The following ATF7IP2 variants were observed in gnomAD, a reference collection of about 807,000 sequenced individuals.
ATF7IP2 encodes activating transcription factor 7-interacting protein 2.
In ATF7IP2, 42 loss-of-function variants were observed where a neutral mutation model predicts 64.2. The observed-to-expected ratio is 0.65, with a 90% CI of 0.51 to 0.85. The LOEUF is 0.85. ATF7IP2 is among the 40% of genes least tolerant of loss of function. ATF7IP2 has a pLI of 0.00. For synonymous variants in ATF7IP2, 308 were observed against 272.8 expected, an observed-to-expected ratio of 1.13 and a Z score of -1.27; for missense variants, 933 against 784.2, an observed-to-expected ratio of 1.19 and a Z score of -2.27.
intron 1 of ATF7IP2, among the ~76,000 whole-genome samples, chr16:10,408,068 T>G (rs1205182731): frequency 1.3e-5 from 2 of 152,002 alleles, no homozygotes; most frequent in Non-Finnish European, 2.9e-5. Context: ...TGTGCCACCA[T>G]ACCTAGCTAA....
At chr16:10,434,802 T>A (rs2048365128) in intron 6 of ATF7IP2, among the ~76,000 whole-genome samples, 1 of 152,148 alleles carries the variant, frequency 6.6e-6, no homozygotes, top group Non-Finnish European at 1.5e-5. Context: ...AAGTTTTTGT[T>A]TGTTTGTTTG....
chr16:10,449,054 A>G (rs1296311177), intron 8 of ATF7IP2: 1 of 152,144 alleles, frequency 6.6e-6, no homozygotes, highest in Admixed American at 6.5e-5. Flanking sequence ...CCTTTTCTGC[A>G]TCTATTGAGA....
intron 8 of ATF7IP2, among the ~76,000 whole-genome samples, chr16:10,451,448 A>G (rs998178005): frequency 6.6e-6 from 1 of 152,180 alleles, no homozygotes; most frequent in Non-Finnish European, 1.5e-5. Flanking sequence ...ACTTTCGGGT[A>G]CAACAATCAA....
rs767494674 is a variant in ATF7IP2, at chr16:10,466,911, A to G, written c.1353-5199A>G. On this transcript the variant is annotated intron_variant, in intron 9 of 13. Coordinates refer to ENST00000562102, the MANE Select transcript of ATF7IP2 (RefSeq NM_001393719.1). ...GTTTTAATGCTCTTGTTTTAACTCAAGTGTTTGGATCACCTGTGCATCTGT... is the reference window on the plus strand; with the variant it reads ...GTTTTAATGCTCTTGTTTTAACTCAGGTGTTTGGATCACCTGTGCATCTGT... Among the ~76,000 whole-genome samples the G allele has an allele frequency of 6.6e-5, 10 of 150,444 alleles. 1 individual carries two copies. In the East Asian group the frequency reaches 1.7e-3, roughly 26 times the overall value.
At chr16:10,435,414 A>G (rs2048387913) in intron 6 of ATF7IP2, among the ~76,000 whole-genome samples, 1 of 152,206 alleles carries the variant, frequency 6.6e-6, no homozygotes, top group Non-Finnish European at 1.5e-5. Context: ...CTTTCTCCAA[A>G]CTTTAGGCCA....
chr16:10,422,799 C>G (rs1247752640), intron 3 of ATF7IP2, among the ~76,000 whole-genome samples: 1 of 152,218 alleles, frequency 6.6e-6, no homozygotes, highest in Non-Finnish European at 1.5e-5. Context: ...TTTAGTTTCA[C>G]TTTTCCCCAT....
At chr16:10,477,784 T>G (rs997108975) in intron 12 of ATF7IP2, among the ~76,000 whole-genome samples, 3 of 152,208 alleles carry the variant, frequency 2.0e-5, no homozygotes, top group African/African-American at 7.2e-5. Context: ...TTAAGCTGAT[T>G]GATAGGCAAC....
At position 10,421,538 on chromosome 16, in the gene ATF7IP2, C is replaced by T. The variant is rs534823455; in HGVS notation, c.-160+1915C>T. Among the ~76,000 whole-genome samples, 33 of 152,244 alleles carry T rather than the reference C, an allele frequency of 2.2e-4. No homozygotes were observed. The South Asian group carries it at 2.3e-3, about 11-fold the overall frequency. On this transcript the variant is annotated intron_variant, in intron 3 of 13. Coordinates refer to ENST00000562102, the MANE Select transcript of ATF7IP2 (RefSeq NM_001393719.1). ...ACTTAATGTTTTCAATTGATCCCTA[C>T]GTATGGTTGCTTTCTGTGGCACAAT... is the stretch of plus-strand genomic sequence containing the variant.
At chr16:10,481,229 C>T (rs2050212665) in intron 13 of ATF7IP2, among the ~76,000 whole-genome samples, 1 of 152,150 alleles carries the variant, frequency 6.6e-6, no homozygotes, top group South Asian at 2.1e-4. Flanking sequence ...AAAGGGTGTT[C>T]TCATATACTG....
intron 1 of ATF7IP2, among the ~76,000 whole-genome samples, chr16:10,407,857 C>T (rs1429669000): frequency 6.6e-6 from 1 of 151,938 alleles, no homozygotes; most frequent in African/African-American, 2.4e-5. Context: ...AGCTTAGCTC[C>T]TACTTGTGAG....
At chr16:10,439,376 C>T (rs1596516320) in intron 7 of ATF7IP2, among the ~76,000 whole-genome samples, 1 of 151,626 alleles carries the variant, frequency 6.6e-6, no homozygotes, top group Non-Finnish European at 1.5e-5. Flanking sequence ...GCTGGGACTA[C>T]AGGCGCCCGC....
intron 8 of ATF7IP2, among the ~76,000 whole-genome samples, chr16:10,456,362 C>G (rs2049168229): frequency 6.6e-6 from 1 of 152,130 alleles, no homozygotes; most frequent in Non-Finnish European, 1.5e-5. Flanking sequence ...GCTGGACACC[C>G]TTTTGCTAGT....
At chr16:10,417,957 C>A (rs573172827) in intron 2 of ATF7IP2, among the ~76,000 whole-genome samples, 13 of 152,128 alleles carry the variant, frequency 8.5e-5, no homozygotes, top group Non-Finnish European at 4.4e-5. Flanking sequence ...CCACGTCGGT[C>A]GTGGAGACCC....
At chr16:10,454,084 T>C (rs2049084564) in intron 8 of ATF7IP2, 1 of 152,086 alleles carries the variant, frequency 6.6e-6, no homozygotes, top group African/African-American at 2.4e-5. Context: ...ATCTAAATTA[T>C]TGAATTCACT....
At chr16:10,409,374 G>A (rs2047706075) in intron 1 of ATF7IP2, among the ~76,000 whole-genome samples, 1 of 152,028 alleles carries the variant, frequency 6.6e-6, no homozygotes, top group Admixed American at 6.6e-5. Context: ...CAAAGAATAA[G>A]GAAGTTAACA....
At chr16:10,397,127 AT>A (rs748094116) in intron 1 of ATF7IP2, among the ~76,000 whole-genome samples, 1 of 152,202 alleles carries the variant, frequency 6.6e-6, no homozygotes, top group Non-Finnish European at 1.5e-5. Flanking sequence ...TTGAAAATCA[AT>A]TTAATATAAA....
At chr16:10,463,015 A>G (rs1453264359) in intron 9 of ATF7IP2, among the ~76,000 whole-genome samples, 1 of 152,122 alleles carries the variant, frequency 6.6e-6, no homozygotes, top group Admixed American at 6.5e-5. Context: ...TTACAAATTC[A>G]TGTTCTTTGG....
chr16:10,446,622 G>C (rs539471724), intron 8 of ATF7IP2: 1 of 152,136 alleles, frequency 6.6e-6, no homozygotes, highest in African/African-American at 2.4e-5. Context: ...TTCGAGGATT[G>C]GTTCCTGGGT....
chr16:10,412,096 A>T (rs1331224702), intron 1 of ATF7IP2, among the ~76,000 whole-genome samples: 3 of 138,174 alleles, frequency 2.2e-5, no homozygotes, highest in African/African-American at 5.4e-5. Context: ...ACATAGGTAT[A>T]CATGTGACAT....
Sources: gnomAD v4.1 joint callset for allele counts (sites outside exome capture counted in the v4.1 genomes callset) on GRCh38, gnomAD v4.1.1 for gene constraint, MANE v1.5 for transcripts, NCBI Gene and HGNC (gene_info 2026-07-23, HGNC 2026-07-21) for gene names.